The following SHC2 variants were observed in gnomAD, a reference collection of about 807,000 sequenced individuals.
The protein encoded by SHC2 is SHC adaptor protein 2, also known as SHC-transforming protein 2.
In SHC2, 62 loss-of-function variants were observed where a neutral mutation model predicts 60.6. The observed-to-expected ratio is 1.02, with a 90% CI of 0.83 to 1.26. The LOEUF is 1.26. Ranked by LOEUF, SHC2 falls within the 50% of genes most tolerant of loss-of-function variation. SHC2 has a pLI of 0.00. For missense variants in SHC2, 873 were observed against 822.2 expected, an observed-to-expected ratio of 1.06 and a Z score of -0.76; for synonymous variants, 375 against 372.4, an observed-to-expected ratio of 1.01 and a Z score of -0.08.
rs149341218 is a variant in SHC2 at position 448,874 on chromosome 19, C to T, written c.469-7942G>A. Among the ~76,000 whole-genome samples, 171 of 152,118 alleles carry T rather than the reference C, an allele frequency of 1.1e-3. 2 individuals are homozygous for T. The highest frequency in any genetic ancestry group is 2.8e-3 in the African/African-American group (117 of 41,490). ...AAGGTGGTAAAAGAGACAGGACGGA[C>T]GGGGCAAGTGGCTCACGCCTCTAAT... On this transcript the variant is annotated intron_variant, in intron 1 of 12. Transcript: ENST00000264554.
rs377363688 is a variant in SHC2, at chr19:441,278, G to A, written c.469-346C>T. 7.0e-5 allele frequency: 36 copies of A among 514,968 alleles called. 1 individual carries two copies. The East Asian group carries it at 3.8e-3, about 54-fold the overall frequency. The allele number at this position is 514,968 out of a possible 1,614,324, so 31.9% of individuals were successfully genotyped here. On this transcript the variant is annotated intron_variant, in intron 1 of 12. Transcript: ENST00000264554. The surrounding 1 kb of genome is among the most constrained non-coding windows in gnomAD (Gnocchi z 4.9). ...AAGCCGAGGAGCGTGGGGATGGTGC[G>A]ATCCTGAGCACTTCCCTATCTCCAG...
chr19:436,083 C>G (rs1974709000), intron 7 of SHC2, 82 bp downstream of exon 7: 2 of 1,479,720 alleles, frequency 1.4e-6, no homozygotes, highest in Non-Finnish European at 9.2e-7. Context: ...GAGGCTGAGG[C>G]CTGCAGGAGG....
In SHC2 at chr19:438,770, G is replaced by C; in HGVS notation, c.668C>G (p.Ser223Cys). The change falls in exon 4 of 13, where the codon TCC becomes TGC. Residue 223 changes from serine to cysteine, a missense_variant. Transcript: ENST00000264554. The surrounding 1 kb of genome is among the most constrained non-coding windows in gnomAD (Gnocchi z 5.0). The stretch of plus-strand genomic sequence containing the variant: ...GAGGCCATCAGTGGAGATGTGGATG[G>C]AGATGCTCATGCCGGCAAAGCGAAG... ...SNLRFAGMSI[S>C]IHISTDGLSL... 1 of 1,575,038 alleles carries C rather than the reference G, an allele frequency of 6.3e-7. No individual in the cohort carries two copies. Among genetic ancestry groups the C allele is most frequent in the Non-Finnish European group, 8.6e-7 (1 of 1,161,726 alleles).
At chr19:452,650 T>C (rs1469903698) in intron 1 of SHC2, among the ~76,000 whole-genome samples, 1 of 152,190 alleles carries the variant, frequency 6.6e-6, no homozygotes, top group African/African-American at 2.4e-5. Flanking sequence ...AGGTGGGTGT[T>C]ACAGGTACAC....
rs1974364855 is a variant in SHC2, at chr19:424,699, C to T, written c.1309+398G>A. ...GGTTCCGACAGAGGCAGGTGGGTTACCCCCGAGAGAGTGGAGCTTCTCACA... is the reference window on the plus strand; with the variant it reads ...GGTTCCGACAGAGGCAGGTGGGTTATCCCCGAGAGAGTGGAGCTTCTCACA... On this transcript the variant is annotated intron_variant, in intron 10 of 12. Coordinates refer to ENST00000264554, the MANE Select transcript of SHC2 (RefSeq NM_012435.3). This position sits in a 1 kb window ranked among gnomAD's most constrained non-coding sequence, Gnocchi z 4.5. Among the ~76,000 whole-genome samples, 1 of 152,164 alleles carries T rather than the reference C, an allele frequency of 6.6e-6. No homozygotes were observed. The highest frequency in any genetic ancestry group is 1.5e-5 in the Non-Finnish European group (1 of 68,034).
At chr19:447,887 T>C (rs769318595) in intron 1 of SHC2, among the ~76,000 whole-genome samples, 6 of 152,230 alleles carry the variant, frequency 3.9e-5, no homozygotes, top group Non-Finnish European at 8.8e-5. Context: ...AAAGTGTCCA[T>C]TCACACAAGA....
chr19:456,085 G>A (rs866591751), intron 1 of SHC2, among the ~76,000 whole-genome samples: 12 of 152,172 alleles, frequency 7.9e-5, no homozygotes, highest in African/African-American at 2.2e-4. Flanking sequence ...TTTTCACTGC[G>A]TAACCTCAGA....
At chr19:450,082 AC>A (rs527341513) in intron 1 of SHC2, among the ~76,000 whole-genome samples, 1 of 152,180 alleles carries the variant, frequency 6.6e-6, no homozygotes, top group East Asian at 1.9e-4. Context: ...ATGGCTTTCC[AC>A]AGGGGCGAGG....
Position 445,776 on chromosome 19 carries a change from G to A in SHC2, c.469-4844C>T, listed in dbSNP as rs182243960. Among the ~76,000 whole-genome samples the A allele has an allele frequency of 2.0e-5, 3 of 152,246 alleles. No homozygotes were observed. Among genetic ancestry groups the A allele is most frequent in the Admixed American group, 6.5e-5 (1 of 15,286 alleles). ...TTGCCGGGCGCGGTGGCTCACGCCT[G>A]TAATCCCAGCACTTTGGGAGGCCGA... On this transcript the variant is annotated intron_variant, in intron 1 of 12. Transcript: ENST00000264554. This position sits in a 1 kb window ranked among gnomAD's most constrained non-coding sequence, Gnocchi z 4.4.
At position 438,866 on chromosome 19, in the gene SHC2, C is replaced by T. The variant is rs775087570; in HGVS notation, c.601-29G>A. On this transcript the variant is annotated intron_variant, in intron 3 of 12. Coordinates refer to ENST00000264554, the MANE Select transcript of SHC2 (RefSeq NM_012435.3). The surrounding 1 kb of genome is among the most constrained non-coding windows in gnomAD (Gnocchi z 5.0). ...AGTTGGGGGCGGAGCACAGCGAGGGCGGCTGTGGGTGGGGGCTGTCGAGGG... is the reference window on the plus strand; with the variant it reads ...AGTTGGGGGCGGAGCACAGCGAGGGTGGCTGTGGGTGGGGGCTGTCGAGGG... The T allele has an allele frequency of 3.7e-5, 58 of 1,556,854 alleles. No individual in the cohort carries two copies. In the African/African-American group the frequency reaches 4.6e-4, roughly 12 times the overall value.
intron 1 of SHC2, among the ~76,000 whole-genome samples, chr19:448,283 C>G (rs1044990127): frequency 1.3e-5 from 2 of 152,220 alleles, no homozygotes; most frequent in Non-Finnish European, 2.9e-5. Context: ...ATCCTCTCCA[C>G]GTCCCAGAGC....
At chr19:428,519 A>G (rs1424459595) in intron 9 of SHC2, among the ~76,000 whole-genome samples, 1 of 152,216 alleles carries the variant, frequency 6.6e-6, no homozygotes, top group Admixed American at 6.5e-5. Context: ...GCAAGGTGGA[A>G]GATGGATGGG....
chr19:430,819 C>T, intron 8 of SHC2, 72 bp from the exon 9 acceptor site: 4 of 1,411,314 alleles, frequency 2.8e-6, no homozygotes, highest in Non-Finnish European at 3.0e-6. Flanking sequence ...CCCCAGTCTC[C>T]CCGCCCGGCC....
intron 10 of SHC2, among the ~76,000 whole-genome samples, chr19:423,117 T>C (rs1568281403): frequency 6.6e-6 from 1 of 151,530 alleles, no homozygotes; most frequent in Non-Finnish European, 1.5e-5. Flanking sequence ...CTCCTGGTCC[T>C]GGGGGGTCCT....
At chr19:444,462 C>T (rs1235331574) in intron 1 of SHC2, among the ~76,000 whole-genome samples, 3 of 152,064 alleles carry the variant, frequency 2.0e-5, no homozygotes, top group African/African-American at 4.8e-5. Flanking sequence ...TCCGGTTGTG[C>T]GGCTGAAACC....
chr19:456,466 G>A (rs953295816), intron 1 of SHC2, among the ~76,000 whole-genome samples: 8 of 152,110 alleles, frequency 5.3e-5, no homozygotes, highest in Non-Finnish European at 1.0e-4. Flanking sequence ...CTCCTCCCGG[G>A]TCTCTGCTGC....
chr19:436,690 C>T lies in SHC2; in HGVS notation c.721-7G>A, dbSNP rs2066959. On this transcript the variant is annotated splice_region_variant and splice_polypyrimidine_tract_variant and intron_variant, in intron 4 of 12. Coordinates refer to ENST00000264554, the MANE Select transcript of SHC2 (RefSeq NM_012435.3). ...TGTGGTGGTTGGCGATGACCTGTGG[C>T]GGCAGGAGGCACACGCGGTCATGGG... 47,237 of 1,602,504 alleles carry T rather than the reference C, an allele frequency of 0.029. 3,319 individuals carry two copies. Among genetic ancestry groups the T allele is most frequent in the East Asian group, 0.24 (10,565 of 44,706 alleles).
intron 1 of SHC2, among the ~76,000 whole-genome samples, chr19:448,963 G>A (rs1387185920): frequency 2.0e-5 from 3 of 151,816 alleles, no homozygotes; most frequent in African/African-American, 4.8e-5. Context: ...GACCAGCCTG[G>A]GCAACATGGT....
In SHC2 at chr19:447,385, G is replaced by A. The variant is rs148715714; in HGVS notation, c.469-6453C>T. On this transcript the variant is annotated intron_variant, in intron 1 of 12. Transcript: ENST00000264554. ...ACGGGAGCGTCCTGGAACTAGACAC[G>A]GGTGAGGGTTGCAGAACCGTGTGGC... Among the ~76,000 whole-genome samples the A allele has an allele frequency of 3.5e-3, 534 of 152,374 alleles. 4 individuals carry two copies. Among genetic ancestry groups the A allele is most frequent in the African/African-American group, 0.012 (514 of 41,586 alleles).
Sources: allele counts gnomAD v4.1 joint callset (sites outside exome capture counted in the v4.1 genomes callset), GRCh38; gene constraint gnomAD v4.1.1; non-coding constraint Gnocchi (gnomAD v3.1); transcripts MANE v1.5; gene names NCBI Gene and HGNC (gene_info 2026-07-23, HGNC 2026-07-21).